Variants in VWA8 observed in about 807,000 individuals in gnomAD.
VWA8 encodes von Willebrand factor A domain-containing protein 8.
VWA8 carries 221 observed loss-of-function variants against 241.5 expected under a neutral mutation model. The ratio of observed to expected loss-of-function variants is 0.91; its 90% CI spans 0.82 to 1.02. VWA8 has a LOEUF of 1.02. Among genes scored for constraint, VWA8 ranks in the 50% least tolerant of loss-of-function variants. The pLI is 0.00. For missense variants in VWA8, 2,322 were observed against 2,328.7 expected (o/e 1.00, Z 0.06); for synonymous variants, 852 against 827.1 (o/e 1.03, Z -0.52).
intron 12 of VWA8, among the ~76,000 whole-genome samples, chr13:41,841,836 T>A (rs1443833504): frequency 3.6e-5 from 3 of 83,428 alleles, no homozygotes; most frequent in African/African-American, 1.2e-4. Context: ...TATATATATA[T>A]ATATATATAT....
intron 21 of VWA8, among the ~76,000 whole-genome samples, chr13:41,757,755 T>C (rs2045704768): frequency 6.6e-6 from 1 of 151,626 alleles, no homozygotes; most frequent in South Asian, 2.1e-4. Flanking sequence ...GGTTGACCTA[T>C]ATAAAATTTA....
intron 14 of VWA8, among the ~76,000 whole-genome samples, chr13:41,827,800 T>C (rs1230029113): frequency 6.6e-6 from 1 of 152,196 alleles, no homozygotes; most frequent in Non-Finnish European, 1.5e-5. Flanking sequence ...CCTGAAAGTA[T>C]TTTCATTTGT....
intron 12 of VWA8, among the ~76,000 whole-genome samples, chr13:41,858,194 T>C (rs1401610714): frequency 6.6e-6 from 1 of 152,204 alleles, no homozygotes; most frequent in African/African-American, 2.4e-5. Flanking sequence ...AGGTTCTGTT[T>C]CTCTATGAAA....
chr13:41,893,240 C>T (rs1874930604), intron 4 of VWA8, among the ~76,000 whole-genome samples: 1 of 152,040 alleles, frequency 6.6e-6, no homozygotes, highest in Non-Finnish European at 1.5e-5. Context: ...GCATACTATC[C>T]TCTTTTAATA....
chr13:41,951,154 C>T (rs767115382), intron 1 of VWA8, among the ~76,000 whole-genome samples: 3 of 152,106 alleles, frequency 2.0e-5, no homozygotes, highest in Middle Eastern at 3.2e-3. Flanking sequence ...CAGTGGCTCA[C>T]GCCTGTAATC....
chr13:41,701,447 T>A lies in VWA8; in HGVS notation c.3309A>T (p.Ser1103=). Reference sequence around the variant, plus strand: ...TAATTTCATCCAATGGTATTCTCCATGAGGCACATTCTTCAGTAAAGTTTA... The same window carrying A: ...TAATTTCATCCAATGGTATTCTCCAAGAGGCACATTCTTCAGTAAAGTTTA... ...RSLNFTEECA[S]WRIPLDEINI... is the part of the protein sequence containing the mutation. Residue 1103 remains serine, a synonymous_variant, in exon 28 of 45, where the codon TCA becomes TCT. Transcript: ENST00000379310. 1 of 1,612,438 alleles carries A rather than the reference T, an allele frequency of 6.2e-7. No homozygotes were observed. Among genetic ancestry groups the A allele is most frequent in the Non-Finnish European group, 8.5e-7 (1 of 1,179,286 alleles).
chr13:41,874,433 A>G (rs1343167393), intron 9 of VWA8, among the ~76,000 whole-genome samples: 2 of 151,954 alleles, frequency 1.3e-5, no homozygotes, highest in African/African-American at 4.8e-5. Context: ...TATCTAGAAA[A>G]CCCCATTGTC....
intron 25 of VWA8, 63 bp from the exon 26 acceptor site, chr13:41,719,805 A>G: frequency 6.9e-7 from 1 of 1,449,758 alleles, no homozygotes; most frequent in East Asian, 2.4e-5. Context: ...ATAAAGATTT[A>G]TGAAATGGAT....
Position 41,915,415 on chromosome 13 carries a change from T to G in VWA8, c.242-3247A>C, listed in dbSNP as rs1046602771. Among the ~76,000 whole-genome samples, 4 of 152,184 alleles carry G rather than the reference T, an allele frequency of 2.6e-5. No homozygotes were observed. In the South Asian group the frequency reaches 8.3e-4, roughly 31 times the overall value. On this transcript the variant is annotated intron_variant, in intron 2 of 44. Coordinates refer to ENST00000379310, the MANE Select transcript of VWA8 (RefSeq NM_015058.2). ...CATTTGGAAAATGTCTGGGAGTACT[T>G]TGGGTTGTTGTAAAGCTTTGGGAAA...
chr13:41,739,757 G>A (rs368227459), intron 21 of VWA8, among the ~76,000 whole-genome samples: 471 of 150,948 alleles, frequency 3.1e-3, no homozygotes, highest in African/African-American at 9.9e-3. Context: ...AATATATTCT[G>A]CATTTTTAGC....
chr13:41,641,956 G>T (rs143648283), intron 37 of VWA8, among the ~76,000 whole-genome samples: 4 of 152,252 alleles, frequency 2.6e-5, no homozygotes, highest in African/African-American at 7.2e-5. Context: ...GAAATCAAAT[G>T]AATAACCAGT....
intron 17 of VWA8, among the ~76,000 whole-genome samples, chr13:41,808,417 C>T (rs1018748273): frequency 4.6e-5 from 7 of 152,040 alleles, no homozygotes; most frequent in South Asian, 2.1e-4. Context: ...CAGAAGGCAA[C>T]GGGGGAACAA....
chr13:41,632,928 A>AT (rs1206965597), intron 37 of VWA8, among the ~76,000 whole-genome samples: 1 of 152,186 alleles, frequency 6.6e-6, no homozygotes, highest in Non-Finnish European at 1.5e-5. Flanking sequence ...GAAATAAGCA[A>AT]TCTGCACTGC....
chr13:41,944,292 G>T (rs1025773074), intron 2 of VWA8, among the ~76,000 whole-genome samples: 1 of 151,902 alleles, frequency 6.6e-6, no homozygotes, highest in Non-Finnish European at 1.5e-5. Context: ...ACAATCTCAT[G>T]AGCATTTATG....
intron 12 of VWA8, among the ~76,000 whole-genome samples, chr13:41,851,758 C>A (rs983147284): frequency 2.0e-5 from 3 of 152,114 alleles, no homozygotes; most frequent in Non-Finnish European, 4.4e-5. Context: ...TGGATTAATA[C>A]AGACGGGATT....
chr13:41,661,504 C>T (rs977561203), intron 37 of VWA8, among the ~76,000 whole-genome samples: 3 of 151,986 alleles, frequency 2.0e-5, no homozygotes, highest in Non-Finnish European at 2.9e-5. Flanking sequence ...AGTTATGTAA[C>T]CTCTCTGGGC....
At chr13:41,786,069 T>C (rs2137941265) in intron 18 of VWA8, among the ~76,000 whole-genome samples, 1 of 152,236 alleles carries the variant, frequency 6.6e-6, no homozygotes, top group East Asian at 1.9e-4. Context: ...TGGCTAGCTA[T>C]CTTCTAAGAA....
At chr13:41,786,411 C>G (rs1869189091) in intron 18 of VWA8, among the ~76,000 whole-genome samples, 1 of 152,006 alleles carries the variant, frequency 6.6e-6, no homozygotes, top group Admixed American at 6.6e-5. Context: ...AGAGAGATGG[C>G]CTTAAAGATG....
At chr13:41,941,765 T>C (rs933155272) in intron 2 of VWA8, among the ~76,000 whole-genome samples, 1 of 152,208 alleles carries the variant, frequency 6.6e-6, no homozygotes, top group African/African-American at 2.4e-5. Flanking sequence ...ATTTCATATA[T>C]GCTATTTGAT....
Sources: allele counts gnomAD v4.1 joint callset (sites outside exome capture counted in the v4.1 genomes callset), GRCh38; gene constraint gnomAD v4.1.1; transcripts MANE v1.5; gene names NCBI Gene and HGNC (gene_info 2026-07-23, HGNC 2026-07-21).